SEMA6D: variants seen among roughly 807,000 people sequenced by gnomAD.
The protein encoded by SEMA6D is semaphorin-6D.
SEMA6D carries 35 observed loss-of-function variants against 106.6 expected under a neutral mutation model. The ratio of observed to expected loss-of-function variants is 0.33; its 90% CI spans 0.25 to 0.44. The LOEUF is 0.44. Among genes scored for constraint, SEMA6D ranks in the 20% least tolerant of loss-of-function variants. The pLI is 1.00. For missense variants in SEMA6D, 1,185 were observed against 1,345.9 expected (o/e 0.88, Z 1.87); for synonymous variants, 499 against 487.7 (o/e 1.02, Z -0.31).
intron 1 of SEMA6D, among the ~76,000 whole-genome samples, chr15:47,273,642 C>G (rs534793702): frequency 1.4e-4 from 22 of 152,274 alleles, no homozygotes; most frequent in African/African-American, 5.3e-4. Flanking sequence ...TAATTCCAAA[C>G]CACTTAGCAA....
intron 2 of SEMA6D, among the ~76,000 whole-genome samples, chr15:47,429,064 A>G (rs1315407239): frequency 1.3e-5 from 2 of 151,878 alleles, no homozygotes; most frequent in African/African-American, 2.4e-5. Flanking sequence ...TTCCAGTAAA[A>G]TAGGGCATCC....
chr15:47,473,064 ACT>A (rs2042899352), intron 3 of SEMA6D, among the ~76,000 whole-genome samples: 1 of 152,098 alleles, frequency 6.6e-6, no homozygotes, highest in Non-Finnish European at 1.5e-5. Context: ...AGACATTCAG[ACT>A]CTACGTCTTC....
chr15:47,748,906 C>G (rs1331502197), intron 1 of SEMA6D, among the ~76,000 whole-genome samples: 2 of 151,946 alleles, frequency 1.3e-5, no homozygotes, highest in African/African-American at 4.8e-5. Flanking sequence ...AATGAAGAGT[C>G]AATTCTAGAC....
At chr15:47,414,451 G>GA (rs1170068858) in intron 2 of SEMA6D, among the ~76,000 whole-genome samples, 1 of 151,774 alleles carries the variant, frequency 6.6e-6, no homozygotes, top group African/African-American at 2.4e-5. Context: ...ATGTGAGGAG[G>GA]AAAAAAAAGT....
intron 2 of SEMA6D, among the ~76,000 whole-genome samples, chr15:47,433,629 A>G (rs1400544511): frequency 2.0e-5 from 3 of 152,140 alleles, no homozygotes; most frequent in East Asian, 1.9e-4. Context: ...TCAATGTTTT[A>G]TAGATCACAC....
chr15:47,487,514 A>G (rs1380791826), intron 3 of SEMA6D, among the ~76,000 whole-genome samples: 1 of 152,232 alleles, frequency 6.6e-6, no homozygotes, highest in East Asian at 1.9e-4. Flanking sequence ...CTATACATGT[A>G]TGTGTATGGC....
chr15:47,342,287 T>A (rs1211037655), intron 1 of SEMA6D, among the ~76,000 whole-genome samples: 1 of 152,208 alleles, frequency 6.6e-6, no homozygotes, highest in East Asian at 1.9e-4. Flanking sequence ...CAGTCTGAAT[T>A]CCTCTGATTG....
intron 3 of SEMA6D, among the ~76,000 whole-genome samples, chr15:47,578,413 C>T (rs764360468): frequency 1.3e-5 from 2 of 152,100 alleles, no homozygotes; most frequent in African/African-American, 4.8e-5. Context: ...TGTTTATGTG[C>T]GTTCACATGG....
chr15:47,510,756 G>A (rs1797245), intron 3 of SEMA6D, among the ~76,000 whole-genome samples: 1,874 of 152,252 alleles, frequency 0.012, 40 homozygotes, highest in African/African-American at 0.044. Context: ...TGGGGCTTGA[G>A]CTAAGCATGG....
intron 1 of SEMA6D, among the ~76,000 whole-genome samples, chr15:47,258,542 C>A (rs1270668306): frequency 6.6e-6 from 1 of 152,158 alleles, no homozygotes; most frequent in Non-Finnish European, 1.5e-5. Context: ...GGACAGCCAT[C>A]TTTTCATGCC....
chr15:47,415,687 ACT>A (rs1323402807), intron 2 of SEMA6D, among the ~76,000 whole-genome samples: 6 of 151,962 alleles, frequency 3.9e-5, no homozygotes, highest in Admixed American at 3.3e-4. Flanking sequence ...TTACTCTCTG[ACT>A]CTGTTTCATT....
chr15:47,679,212 G>A (rs760137761), intron 4 of SEMA6D, among the ~76,000 whole-genome samples: 2 of 152,118 alleles, frequency 1.3e-5, no homozygotes, highest in East Asian at 3.8e-4. Flanking sequence ...TTAAAACATT[G>A]GATTGAGAAT....
At chr15:47,681,159 A>G (rs765203133) in intron 4 of SEMA6D, among the ~76,000 whole-genome samples, 1 of 152,270 alleles carries the variant, frequency 6.6e-6, no homozygotes, top group Non-Finnish European at 1.5e-5. Context: ...CATTAGTCAC[A>G]ATAGCCAAGA....
intron 1 of SEMA6D, among the ~76,000 whole-genome samples, chr15:47,387,021 C>T (rs1201451005): frequency 1.7e-5 from 2 of 119,704 alleles, no homozygotes; most frequent in Admixed American, 1.6e-4. Context: ...TGCTTCACTG[C>T]ACGGGCCCTG....
In SEMA6D at chr15:47,348,985, C is replaced by T. The variant is rs569089109; in HGVS notation, c.-238-63408C>T. 5.3e-5 allele frequency among the ~76,000 whole-genome samples: 8 copies of T among 152,146 alleles called. No homozygotes were observed. In the South Asian group the frequency reaches 1.2e-3, roughly 24 times the overall value. On this transcript the variant is annotated intron_variant, in intron 1 of 19. Coordinates refer to the SEMA6D transcript ENST00000558014. ...TTAGCCAAGCAGTTGCTGCAGCTACCCTGTTGATCTGCTCTTCAAGGATAC... is the reference window on the plus strand; with the variant it reads ...TTAGCCAAGCAGTTGCTGCAGCTACTCTGTTGATCTGCTCTTCAAGGATAC...
intron 1 of SEMA6D, among the ~76,000 whole-genome samples, chr15:47,332,587 A>G (rs148167912): frequency 1.3e-5 from 2 of 152,298 alleles, no homozygotes; most frequent in East Asian, 1.9e-4. Flanking sequence ...ATGTAACTCA[A>G]GATGATTTTC....
chr15:47,453,947 T>C (rs143951680), intron 2 of SEMA6D, among the ~76,000 whole-genome samples: 2 of 152,096 alleles, frequency 1.3e-5, no homozygotes, highest in Non-Finnish European at 2.9e-5. Context: ...TTTTTGGCCA[T>C]GTGAATCTGA....
intron 1 of SEMA6D, chr15:47,397,622 A>G (rs2040259814): frequency 6.6e-6 from 1 of 152,146 alleles, no homozygotes; most frequent in African/African-American, 2.4e-5. Flanking sequence ...GTTAGAGGTG[A>G]TTTTATTGTT....
intron 4 of SEMA6D, among the ~76,000 whole-genome samples, chr15:47,657,650 T>G (rs937821867): frequency 6.7e-6 from 1 of 148,652 alleles, no homozygotes; most frequent in Non-Finnish European, 1.5e-5. Context: ...GGATCAAAAC[T>G]TTTTTATCTA....
Sources: gnomAD v4.1 joint callset for allele counts (sites outside exome capture counted in the v4.1 genomes callset) on GRCh38, gnomAD v4.1.1 for gene constraint, MANE v1.5 for transcripts, NCBI Gene and HGNC (gene_info 2026-07-23, HGNC 2026-07-21) for gene names.